WDR17: variants seen among roughly 807,000 people sequenced by gnomAD.
WDR17 encodes WD repeat-containing protein 17.
WDR17 carries 143 observed loss-of-function variants against 161.7 expected under a neutral mutation model. The observed-to-expected ratio is 0.88, with a 90% CI of 0.77 to 1.02. The LOEUF (loss-of-function observed/expected upper bound fraction) is 1.02. Among genes scored for constraint, WDR17 ranks in the 50% least tolerant of loss-of-function variants. WDR17 has a pLI of 0.00. For missense variants in WDR17, 1,469 were observed against 1,520.9 expected, an observed-to-expected ratio of 0.97 and a Z score of 0.57; for synonymous variants, 517 against 515.6, an observed-to-expected ratio of 1.00 and a Z score of -0.04.
intron 1 of WDR17, among the ~76,000 whole-genome samples, chr4:176,101,700 T>C (rs1737856790): frequency 6.6e-6 from 1 of 151,984 alleles, no homozygotes; most frequent in Admixed American, 6.6e-5. Flanking sequence ...TGGAACAGAA[T>C]AGAGGGCTTA....
At chr4:176,165,994 A>C (rs766287480) in intron 22 of WDR17, 42 of 452,156 alleles carry the variant, frequency 9.3e-5, no homozygotes, top group Non-Finnish European at 1.5e-4. Context: ...AAAGATAGCT[A>C]CATCATTTAT....
chr4:176,135,890 T>C (rs1744316201), intron 8 of WDR17, among the ~76,000 whole-genome samples: 1 of 151,668 alleles, frequency 6.6e-6, no homozygotes, highest in Admixed American at 6.6e-5. Context: ...AATGGTTTAC[T>C]TATTTGGCTT....
chr4:176,088,913 T>A (rs1336216582), intron 1 of WDR17, among the ~76,000 whole-genome samples: 1 of 152,132 alleles, frequency 6.6e-6, no homozygotes, highest in East Asian at 1.9e-4. Context: ...AGAGATAGAT[T>A]TAAGTTGCTG....
chr4:176,129,795 C>T (rs1201473595), intron 6 of WDR17, among the ~76,000 whole-genome samples: 1 of 151,432 alleles, frequency 6.6e-6, no homozygotes, highest in Admixed American at 6.6e-5. Context: ...AATGTAGAAC[C>T]TGGAAACTGG....
chr4:176,136,547 G>GA (rs1202528742), intron 8 of WDR17, among the ~76,000 whole-genome samples: 1 of 151,604 alleles, frequency 6.6e-6, no homozygotes, highest in East Asian at 1.9e-4. Context: ...AAAAATGTTA[G>GA]AAAATGGAAA....
chr4:176,157,140 T>G (rs1243007786), intron 18 of WDR17, among the ~76,000 whole-genome samples: 1 of 152,228 alleles, frequency 6.6e-6, no homozygotes, highest in African/African-American at 2.4e-5. Flanking sequence ...CATTATTCTC[T>G]GTTCTATTTT....
intron 9 of WDR17, among the ~76,000 whole-genome samples, chr4:176,138,759 G>T (rs1317138015): frequency 1.3e-5 from 2 of 151,760 alleles, no homozygotes; most frequent in African/African-American, 4.8e-5. Context: ...AACACTTCCA[G>T]CCTGATTGTG....
intron 22 of WDR17, 134 bp from the exon 23 acceptor site, chr4:176,168,538 G>C: frequency 1.1e-6 from 1 of 931,062 alleles, no homozygotes. Flanking sequence ...TAATTAAGTA[G>C]GCTATTAATA....
Position 176,177,073 on chromosome 4 carries a change from T to C in WDR17, c.3465T>C (p.Arg1155=), listed in dbSNP as rs142105369. 1.2e-5 allele frequency: 20 copies of C among 1,613,894 alleles called. No homozygotes were observed. The highest frequency in any genetic ancestry group is 1.7e-5 in the Admixed American group (1 of 60,026). The part of the protein sequence containing the change: ...LYEYTSQLLK[R]REVSVPLKIE... The stretch of plus-strand genomic sequence containing the variant: ...ACACGTTCAGTCAGCTATTAAAACG[T>C]CGGGAGGTGTCAGTACCTTTAAAAA... The change falls in exon 27 of 29, where the codon CGT becomes CGC. Residue 1155 remains arginine, a synonymous_variant. Transcript: ENST00000508596.
intron 1 of WDR17, among the ~76,000 whole-genome samples, chr4:176,102,345 C>T (rs1231443052): frequency 6.6e-6 from 1 of 152,176 alleles, no homozygotes; most frequent in East Asian, 1.9e-4. Flanking sequence ...AATATCCAAA[C>T]ACCAGATGCT....
At chr4:176,114,995 T>A (rs1579086808) in intron 2 of WDR17, among the ~76,000 whole-genome samples, 2 of 151,940 alleles carry the variant, frequency 1.3e-5, no homozygotes, top group South Asian at 4.1e-4. Context: ...TAGCAGAGAT[T>A]CAATCGTGTA....
At chr4:176,092,957 G>A (rs77740906) in intron 1 of WDR17, among the ~76,000 whole-genome samples, 4,842 of 152,156 alleles carry the variant, frequency 0.032, 210 homozygotes, top group African/African-American at 0.1. Flanking sequence ...CATGAGAATC[G>A]CTTGAACCTG....
At chr4:176,085,988 CTA>C (rs999570010) in intron 1 of WDR17, among the ~76,000 whole-genome samples, 44 of 152,112 alleles carry the variant, frequency 2.9e-4, no homozygotes, top group Middle Eastern at 3.4e-3. Flanking sequence ...CCACAAATTT[CTA>C]TGTTTAGACT....
intron 1 of WDR17, among the ~76,000 whole-genome samples, chr4:176,102,846 C>T (rs960069992): frequency 1.3e-5 from 2 of 152,164 alleles, no homozygotes; most frequent in African/African-American, 4.8e-5. Flanking sequence ...TAGTTCTCAG[C>T]ACAGTGGCAG....
Position 176,168,729 on chromosome 4 carries a change from ACT to A in WDR17, c.3051_3052del (p.Ala1019PhefsTer7), listed in dbSNP as rs998705505. 1.2e-6 allele frequency: 2 copies of A among 1,613,216 alleles called. No individual in the cohort carries two copies. The highest frequency in any genetic ancestry group is 1.7e-6 in the Non-Finnish European group (2 of 1,179,668). ...CTGATAATGAACTACATTTAATAAAACTCTGTGCTTTCTACCCAGGATGTACT... is the reference window on the plus strand; with the variant it reads ...CTGATAATGAACTACATTTAATAAAACTGTGCTTTCTACCCAGGATGTACT... The part of the protein sequence containing the change: ...IPDNELHLIK[L>X]CAFYPGCTEE... On this transcript the variant is annotated frameshift_variant, in exon 23 of 29. Coordinates refer to ENST00000508596, the MANE Select transcript of WDR17 (RefSeq NM_181265.4). LOFTEE classifies it high-confidence loss of function.
intron 18 of WDR17, among the ~76,000 whole-genome samples, chr4:176,158,718 G>T (rs561417485): frequency 2.6e-5 from 4 of 152,168 alleles, no homozygotes; most frequent in Non-Finnish European, 5.9e-5. Flanking sequence ...GAAGGAAAAG[G>T]AGGAGGCAAA....
chr4:176,076,254 T>TATACAC (rs1484407765), intron 1 of WDR17, among the ~76,000 whole-genome samples: 2 of 59,508 alleles, frequency 3.4e-5, no homozygotes, highest in African/African-American at 8.9e-5. Context: ...TATATATATA[T>TATACAC]ACACACACAC....
chr4:176,104,973 G>T (rs1437596366), intron 1 of WDR17, among the ~76,000 whole-genome samples: 1 of 151,610 alleles, frequency 6.6e-6, no homozygotes, highest in East Asian at 1.9e-4. Flanking sequence ...CCATCTGTAT[G>T]CCGTCTACAG....
intron 9 of WDR17, among the ~76,000 whole-genome samples, chr4:176,137,863 A>G (rs1197443497): frequency 1.3e-5 from 2 of 151,684 alleles, no homozygotes; most frequent in African/African-American, 4.8e-5. Context: ...CTGGGCAAAT[A>G]CAAAATAATA....
Sources: allele counts gnomAD v4.1 joint callset (sites outside exome capture counted in the v4.1 genomes callset), GRCh38; gene constraint gnomAD v4.1.1; transcripts MANE v1.5; gene names NCBI Gene and HGNC (gene_info 2026-07-23, HGNC 2026-07-21).